CAPZA2: variants seen among roughly 807,000 people sequenced by gnomAD.
The protein encoded by CAPZA2 is F-actin-capping protein subunit alpha-2.
Under a neutral mutation model 44.0 loss-of-function variants are expected in CAPZA2, and 13 were observed. The ratio of observed to expected loss-of-function variants is 0.30; its 90% CI spans 0.19 to 0.47. The LOEUF is 0.47. Ranked by LOEUF, CAPZA2 falls within the 20% of genes least tolerant of loss-of-function variation. The probability of loss-of-function intolerance (pLI) is 1.00; values close to 1 mark genes in which losing one functional copy is unlikely to be tolerated. For missense variants in CAPZA2, 244 were observed against 338.6 expected, an observed-to-expected ratio of 0.72 and a Z score of 2.19; for synonymous variants, 94 against 108.2, an observed-to-expected ratio of 0.87 and a Z score of 0.81.
chr7:116,891,999 G>T (rs1796852429), intron 2 of CAPZA2, among the ~76,000 whole-genome samples: 1 of 152,070 alleles, frequency 6.6e-6, no homozygotes, highest in Non-Finnish European at 1.5e-5. Flanking sequence ...TTGTTCAAAT[G>T]AATTACTTCA....
chr7:116,878,519 G>A (rs1796649927), intron 1 of CAPZA2, among the ~76,000 whole-genome samples: 1 of 152,160 alleles, frequency 6.6e-6, no homozygotes, highest in African/African-American at 2.4e-5. Flanking sequence ...GAAAACTGAG[G>A]TTTACAGAAG....
intron 4 of CAPZA2, among the ~76,000 whole-genome samples, chr7:116,901,636 T>G (rs887874040): frequency 9.2e-5 from 14 of 152,118 alleles, no homozygotes; most frequent in Admixed American, 4.6e-4. Context: ...ATAATAAACC[T>G]GCACATGTAC....
At chr7:116,866,577 A>G (rs771995263) in intron 1 of CAPZA2, among the ~76,000 whole-genome samples, 48 of 152,208 alleles carry the variant, frequency 3.2e-4, no homozygotes, top group Admixed American at 3.3e-4. Flanking sequence ...TGAATTTGAA[A>G]TTGTATGAAA....
intron 2 of CAPZA2, among the ~76,000 whole-genome samples, chr7:116,889,143 T>C (rs1796800246): frequency 1.3e-5 from 2 of 152,218 alleles, no homozygotes; most frequent in African/African-American, 4.8e-5. Context: ...CTGGTTACTA[T>C]AGACTGTAGC....
intron 1 of CAPZA2, among the ~76,000 whole-genome samples, chr7:116,877,973 G>C (rs542500525): frequency 2.4e-4 from 36 of 152,286 alleles, no homozygotes; most frequent in African/African-American, 8.7e-4. Flanking sequence ...CAAATAAAAG[G>C]GGAATGGACT....
chr7:116,871,987 T>TTTG (rs374485260), intron 1 of CAPZA2, among the ~76,000 whole-genome samples: 29 of 152,128 alleles, frequency 1.9e-4, no homozygotes, highest in East Asian at 1.5e-3. Flanking sequence ...GTAATTCCTT[T>TTTG]TTGTTGTTGT....
intron 1 of CAPZA2, among the ~76,000 whole-genome samples, chr7:116,864,767 G>T (rs1341832907): frequency 6.6e-6 from 1 of 152,042 alleles, no homozygotes; most frequent in Non-Finnish European, 1.5e-5. Context: ...AGCTGGGCAC[G>T]GTGGTTTGCA....
At position 116,886,178 on chromosome 7, in the gene CAPZA2, C is replaced by A. The variant is rs1796759592; in HGVS notation, c.40-1949C>A. On this transcript the variant is annotated intron_variant, in intron 1 of 9. Coordinates refer to ENST00000361183, the MANE Select transcript of CAPZA2 (RefSeq NM_006136.3). ...AGATCATTTACTCTTCCCAAAAATT[C>A]TATGAGCTAGTTACTATTTTATATG... The A allele has an allele frequency of 1.9e-5, 3 of 154,930 alleles. No homozygotes were observed. The East Asian group carries it at 5.8e-4, about 30-fold the overall frequency. 9.6% of individuals were successfully genotyped at this position (154,930 alleles called of 1,614,324 possible).
chr7:116,868,461 G>T (rs867187137), intron 1 of CAPZA2, among the ~76,000 whole-genome samples: 1 of 152,054 alleles, frequency 6.6e-6, no homozygotes, highest in Non-Finnish European at 1.5e-5. Context: ...GGCTGGGCGC[G>T]GTGACTCACA....
chr7:116,880,724 TTTTTTTTTTTG>T, intron 1 of CAPZA2, among the ~76,000 whole-genome samples: 1 of 107,232 alleles, frequency 9.3e-6, no homozygotes, highest in Admixed American at 9.6e-5. Flanking sequence ...TTTTTTTTTT[TTTTTTTTTTTG>T]AGACAGTCTT....
chr7:116,893,187 G>A, intron 3 of CAPZA2, 142 bp downstream of exon 3: 1 of 485,508 alleles, frequency 2.1e-6, no homozygotes, highest in Non-Finnish European at 3.7e-6. Context: ...CTGGAGTTCA[G>A]TGGTGCGATC....
chr7:116,903,065 C>G (rs147722525), intron 4 of CAPZA2, among the ~76,000 whole-genome samples: 103 of 152,158 alleles, frequency 6.8e-4, no homozygotes, highest in African/African-American at 2.4e-3. Context: ...GGAAACAGCC[C>G]AGAAATAAAG....
At chr7:116,891,317 G>C (rs1796844001) in intron 2 of CAPZA2, among the ~76,000 whole-genome samples, 1 of 152,114 alleles carries the variant, frequency 6.6e-6, no homozygotes, top group South Asian at 2.1e-4. Flanking sequence ...CAATATCGCT[G>C]TTCATTATGT....
chr7:116,883,928 T>C (rs1355374762), intron 1 of CAPZA2, among the ~76,000 whole-genome samples: 1 of 152,208 alleles, frequency 6.6e-6, no homozygotes, highest in East Asian at 1.9e-4. Flanking sequence ...ATTAGGAGTA[T>C]TAAAAATAAT....
chr7:116,911,894 C>G (rs1255224071), intron 7 of CAPZA2, among the ~76,000 whole-genome samples, 175 bp from the exon 8 acceptor site: 1 of 152,206 alleles, frequency 6.6e-6, no homozygotes, highest in African/African-American at 2.4e-5. Context: ...AACTAGTCTC[C>G]TCACTAGGCT....
intron 1 of CAPZA2, chr7:116,873,808 C>T (rs1796585350): frequency 6.5e-6 from 1 of 154,920 alleles, no homozygotes; most frequent in Admixed American, 6.5e-5. Context: ...GGAACCCAGT[C>T]ACTTCCACCT....
At chr7:116,910,188 A>AT (rs778740853) in intron 6 of CAPZA2, 45 bp from the exon 7 acceptor site, 9 of 1,016,062 alleles carry the variant, frequency 8.9e-6, no homozygotes, top group Non-Finnish European at 1.4e-5. Flanking sequence ...ATTGATTCAA[A>AT]TTATTTTCCC....
intron 1 of CAPZA2, among the ~76,000 whole-genome samples, chr7:116,884,005 C>G (rs1207878458): frequency 6.6e-6 from 1 of 152,072 alleles, no homozygotes; most frequent in Non-Finnish European, 1.5e-5. Flanking sequence ...GTGATCAAGA[C>G]TTCAGTATAA....
At chr7:116,904,489 C>A in intron 5 of CAPZA2, 106 bp downstream of exon 5, 1 of 676,416 alleles carries the variant, frequency 1.5e-6, no homozygotes, top group Non-Finnish European at 2.5e-6. Context: ...TATAATTTGT[C>A]ATTTTTTTCC....
Sources: allele counts gnomAD v4.1 joint callset (sites outside exome capture counted in the v4.1 genomes callset), GRCh38; gene constraint gnomAD v4.1.1; transcripts MANE v1.5; gene names NCBI Gene and HGNC (gene_info 2026-07-23, HGNC 2026-07-21).